Variants in CSRNP3 observed in about 807,000 individuals in gnomAD.
The protein encoded by CSRNP3 is cysteine/serine-rich nuclear protein 3.
A neutral mutation model predicts 48.0 loss-of-function variants in CSRNP3; 12 were observed. The ratio of observed to expected loss-of-function variants is 0.25; its 90% CI spans 0.16 to 0.41. The LOEUF (loss-of-function observed/expected upper bound fraction) is 0.41. Ranked by LOEUF, CSRNP3 falls within the 10% of genes least tolerant of loss-of-function variation. The pLI is 1.00. For missense variants in CSRNP3, 580 were observed against 724.4 expected (o/e 0.80, Z 2.29); for synonymous variants, 263 against 269.7 (o/e 0.98, Z 0.24).
chr2:165,647,391 C>G (rs1279536409), intron 4 of CSRNP3, among the ~76,000 whole-genome samples: 2 of 152,188 alleles, frequency 1.3e-5, no homozygotes, highest in Non-Finnish European at 1.5e-5. Flanking sequence ...AAAAAACCAG[C>G]CTTTAAAAAT....
chr2:165,487,296 G>A (rs1574798502), intron 1 of CSRNP3, among the ~76,000 whole-genome samples: 2 of 143,138 alleles, frequency 1.4e-5, no homozygotes, highest in East Asian at 4.1e-4. Context: ...GGGACTATGT[G>A]AAAAGACCAA....
intron 3 of CSRNP3, among the ~76,000 whole-genome samples, chr2:165,557,550 G>C (rs957568902): frequency 6.6e-6 from 1 of 152,192 alleles, no homozygotes; most frequent in African/African-American, 2.4e-5. Flanking sequence ...AAGGATGATA[G>C]GACTGTGCAA....
At chr2:165,508,932 CT>C (rs1420355557) in intron 2 of CSRNP3, among the ~76,000 whole-genome samples, 1 of 151,954 alleles carries the variant, frequency 6.6e-6, no homozygotes, top group East Asian at 1.9e-4. Flanking sequence ...AAAAAATATC[CT>C]TATAGACTTA....
chr2:165,636,117 A>G (rs909487136), intron 4 of CSRNP3, among the ~76,000 whole-genome samples: 1 of 152,204 alleles, frequency 6.6e-6, no homozygotes, highest in African/African-American at 2.4e-5. Context: ...TTTTAATAGT[A>G]TTCCTATTAG....
At chr2:165,510,562 C>G (rs925748975) in intron 2 of CSRNP3, among the ~76,000 whole-genome samples, 2 of 152,018 alleles carry the variant, frequency 1.3e-5, no homozygotes, top group African/African-American at 4.8e-5. Context: ...TCTTGTATTT[C>G]CTCTTTCCTG....
At position 165,682,227 on chromosome 2, in the gene CSRNP3, G is replaced by A. The variant is rs977857344; in HGVS notation, c.*2474G>A. The A allele has an allele frequency of 2.0e-5, 3 of 151,956 alleles. No individual in the cohort carries two copies. Among genetic ancestry groups the A allele is most frequent in the African/African-American group, 4.8e-5 (2 of 41,378 alleles). The allele number at this position is 151,956 out of a possible 1,614,324, so 9.4% of individuals were successfully genotyped here. ...TTTTTGGCTAGGTCTTTGTTTTCTAGCTTTGTTTCCAAAAGGATGCTTAAG... is the reference window on the plus strand; with the variant it reads ...TTTTTGGCTAGGTCTTTGTTTTCTAACTTTGTTTCCAAAAGGATGCTTAAG... On this transcript the variant is annotated 3_prime_UTR_variant, in exon 7 of 7. Transcript: ENST00000651982.
chr2:165,492,052 T>C (rs1298783359), intron 1 of CSRNP3, among the ~76,000 whole-genome samples: 1 of 151,340 alleles, frequency 6.6e-6, no homozygotes, highest in Admixed American at 6.6e-5. Flanking sequence ...CTCCACTTTG[T>C]CCTCTTTCTA....
intron 2 of CSRNP3, among the ~76,000 whole-genome samples, chr2:165,498,858 C>T (rs1684315570): frequency 6.6e-6 from 1 of 152,090 alleles, no homozygotes; most frequent in African/African-American, 2.4e-5. Flanking sequence ...ATTATTTACT[C>T]AGGATGTTCA....
intron 5 of CSRNP3, among the ~76,000 whole-genome samples, chr2:165,664,923 A>G (rs561790162): frequency 3.3e-5 from 5 of 152,346 alleles, no homozygotes; most frequent in African/African-American, 9.6e-5. Flanking sequence ...ACTCTGCATT[A>G]TGATATAAAC....
At chr2:165,539,745 A>G (rs1240030924) in intron 3 of CSRNP3, among the ~76,000 whole-genome samples, 2 of 152,108 alleles carry the variant, frequency 1.3e-5, no homozygotes, top group African/African-American at 4.8e-5. Context: ...CAATAAGCAA[A>G]AAGTCAGAAG....
intron 2 of CSRNP3, among the ~76,000 whole-genome samples, chr2:165,509,068 T>C (rs966470557): frequency 6.6e-6 from 1 of 152,192 alleles, no homozygotes; most frequent in African/African-American, 2.4e-5. Context: ...ATTATACTTT[T>C]TCCCATAAAT....
chr2:165,563,716 A>G (rs1030225246), intron 3 of CSRNP3, among the ~76,000 whole-genome samples: 2 of 152,190 alleles, frequency 1.3e-5, no homozygotes, highest in Non-Finnish European at 2.9e-5. Flanking sequence ...CTCTCTGAGC[A>G]TAACAGAGAC....
At chr2:165,571,112 A>G (rs1685367123) in intron 3 of CSRNP3, among the ~76,000 whole-genome samples, 2 of 152,008 alleles carry the variant, frequency 1.3e-5, no homozygotes, top group Admixed American at 6.6e-5. Context: ...TTAAGCAAAT[A>G]TACATATATA....
At chr2:165,493,975 A>G (rs571370476) in intron 1 of CSRNP3, among the ~76,000 whole-genome samples, 3 of 152,096 alleles carry the variant, frequency 2.0e-5, no homozygotes, top group Non-Finnish European at 2.9e-5. Flanking sequence ...AGAAATTACT[A>G]CTCTCAGGTT....
At chr2:165,479,696 G>A (rs1392159835) in intron 1 of CSRNP3, among the ~76,000 whole-genome samples, 1 of 151,906 alleles carries the variant, frequency 6.6e-6, no homozygotes, top group Non-Finnish European at 1.5e-5. Flanking sequence ...ATGCGCCTGG[G>A]CAACATAGTG....
chr2:165,498,089 G>A (rs1369630962), intron 2 of CSRNP3, among the ~76,000 whole-genome samples: 4 of 151,982 alleles, frequency 2.6e-5, no homozygotes, highest in African/African-American at 7.2e-5. Flanking sequence ...TCCCCTTTCT[G>A]TAAGTAAGTG....
intron 4 of CSRNP3, among the ~76,000 whole-genome samples, chr2:165,603,120 C>T (rs1047642964): frequency 2.0e-5 from 3 of 152,014 alleles, no homozygotes; most frequent in African/African-American, 7.3e-5. Context: ...TGGTCTTGAT[C>T]TCCTGACCTC....
At chr2:165,666,988 A>AAAGAGAGAGGAAGGAAGGAAAGAGAGG (rs1361429907) in intron 5 of CSRNP3, among the ~76,000 whole-genome samples, 1 of 88,746 alleles carries the variant, frequency 1.1e-5, no homozygotes, top group African/African-American at 3.4e-5. Context: ...AGAGAGGAAG[A>AAAGAGAGAGGAAGGAAGGAAAGAGAGG]AAGAAAGAGA....
intron 2 of CSRNP3, among the ~76,000 whole-genome samples, chr2:165,503,738 A>G (rs1194471761): frequency 6.6e-6 from 1 of 151,978 alleles, no homozygotes; most frequent in African/African-American, 2.4e-5. Context: ...TGCAATGCCT[A>G]TTCCCTGCTA....
Sources: allele counts gnomAD v4.1 joint callset (sites outside exome capture counted in the v4.1 genomes callset), GRCh38; gene constraint gnomAD v4.1.1; transcripts MANE v1.5; gene names NCBI Gene and HGNC (gene_info 2026-07-23, HGNC 2026-07-21).